Variants in EXOC2 observed in about 807,000 individuals in gnomAD.
EXOC2 encodes SEC5-like 1.
In EXOC2, 70 loss-of-function variants were observed where a neutral mutation model predicts 131.8. The observed-to-expected ratio is 0.53, with a 90% confidence interval of 0.44 to 0.65. The LOEUF (loss-of-function observed/expected upper bound fraction) is 0.65, where lower values mean the gene tolerates loss of function less well. Ranked by LOEUF, EXOC2 falls within the 30% of genes least tolerant of loss-of-function variation. The probability of loss-of-function intolerance (pLI) is 0.00; values close to 1 mark genes in which losing one functional copy is unlikely to be tolerated. For missense variants in EXOC2, 923 were observed against 1,108.6 expected (o/e 0.83, Z 2.38); for synonymous variants, 411 against 398.4 (o/e 1.03, Z -0.38).
chr6:546,120 A>T (rs963886824), intron 22 of EXOC2, among the ~76,000 whole-genome samples: 4 of 151,014 alleles, frequency 2.6e-5, no homozygotes, highest in Non-Finnish European at 5.9e-5. Context: ...TTTAATTTTT[A>T]TTTTTTTTTA....
At chr6:660,347 T>C (rs1763370079) in intron 1 of EXOC2, among the ~76,000 whole-genome samples, 1 of 152,072 alleles carries the variant, frequency 6.6e-6, no homozygotes, top group Non-Finnish European at 1.5e-5. Flanking sequence ...AGCACCAAAC[T>C]AGAGCATTAA....
chr6:604,796 C>G (rs939560712), intron 7 of EXOC2, among the ~76,000 whole-genome samples: 1 of 147,128 alleles, frequency 6.8e-6, no homozygotes. Context: ...GCGCTGGCCC[C>G]GCGGGGACAC....
chr6:500,737 C>G (rs1252724178), intron 23 of EXOC2, among the ~76,000 whole-genome samples: 1 of 152,076 alleles, frequency 6.6e-6, no homozygotes, highest in Non-Finnish European at 1.5e-5. Flanking sequence ...AGAACATCTC[C>G]TCTATAGAAC....
At chr6:576,276 G>C (rs1177146138) in intron 12 of EXOC2, among the ~76,000 whole-genome samples, 1 of 152,132 alleles carries the variant, frequency 6.6e-6, no homozygotes, top group Non-Finnish European at 1.5e-5. Context: ...AGAAAGTTCA[G>C]AAATGCAACA....
At chr6:532,085 A>G (rs1254848328) in intron 23 of EXOC2, among the ~76,000 whole-genome samples, 1 of 152,210 alleles carries the variant, frequency 6.6e-6, no homozygotes, top group Non-Finnish European at 1.5e-5. Flanking sequence ...CAGGTCTTAC[A>G]TAGAAGTGAC....
intron 22 of EXOC2, among the ~76,000 whole-genome samples, chr6:543,032 G>T (rs1355294070): frequency 6.6e-6 from 1 of 152,190 alleles, no homozygotes; most frequent in Admixed American, 6.5e-5. Context: ...GAAACGTTTA[G>T]ACATTAAGCA....
At chr6:575,618 C>G (rs999412663) in intron 12 of EXOC2, among the ~76,000 whole-genome samples, 2 of 152,208 alleles carry the variant, frequency 1.3e-5, no homozygotes, top group African/African-American at 2.4e-5. Context: ...GATGCCGGCG[C>G]AATGCTTCCT....
chr6:610,076 T>C (rs774459235), intron 7 of EXOC2, 22 bp downstream of exon 7: 2 of 1,606,286 alleles, frequency 1.2e-6, no homozygotes, highest in South Asian at 2.2e-5. Flanking sequence ...TAAATAGTTC[T>C]GGGTAGTAGG....
At chr6:617,651 A>G in intron 6 of EXOC2, 60 bp downstream of exon 6, 3 of 1,579,590 alleles carry the variant, frequency 1.9e-6, no homozygotes, top group Non-Finnish European at 2.6e-6. Context: ...AACACCCTGC[A>G]GGCAGTGCCG....
At chr6:622,517 T>A (rs1450558595) in intron 4 of EXOC2, among the ~76,000 whole-genome samples, 1 of 152,098 alleles carries the variant, frequency 6.6e-6, no homozygotes, top group Non-Finnish European at 1.5e-5. Context: ...TAAGAGCTGA[T>A]GATGTGAAGA....
In EXOC2 at chr6:632,960, T is replaced by A. The variant is rs370075088; in HGVS notation, c.276A>T (p.Leu92=). 1.1e-5 allele frequency: 17 copies of A among 1,612,152 alleles called. No homozygotes were observed. Among genetic ancestry groups the A allele is most frequent in the Non-Finnish European group, 1.4e-5 (16 of 1,179,380 alleles). The change falls in exon 3 of 28, where the codon CTA becomes CTT. Residue 92 remains leucine (L), a synonymous_variant. Transcript: ENST00000230449. ...GRGTSTVSFK[L]LKPEKIGILD... The stretch of plus-strand genomic sequence containing the variant: ...CTTTACCTATTTTCTCAGGTTTGAG[T>A]AGCTTGAAAGAGACTGTTGAGGTTC...
At chr6:623,813 C>A (rs528515456) in intron 4 of EXOC2, among the ~76,000 whole-genome samples, 30 of 152,332 alleles carry the variant, frequency 2.0e-4, no homozygotes, top group Non-Finnish European at 3.4e-4. Flanking sequence ...GGTCTCCATA[C>A]TTTCAAGAAG....
At chr6:631,108 G>T (rs1008470378) in intron 3 of EXOC2, among the ~76,000 whole-genome samples, 1 of 152,212 alleles carries the variant, frequency 6.6e-6, no homozygotes, top group African/African-American at 2.4e-5. Flanking sequence ...GGCTTCATGG[G>T]AGAAGGCTGT....
At chr6:511,343 A>G (rs918941477) in intron 23 of EXOC2, among the ~76,000 whole-genome samples, 5 of 152,260 alleles carry the variant, frequency 3.3e-5, no homozygotes, top group Admixed American at 2.0e-4. Context: ...AAAACCTTCC[A>G]AAAAGAAAAC....
At chr6:573,977 A>C (rs1581469792) in intron 12 of EXOC2, among the ~76,000 whole-genome samples, 1 of 152,338 alleles carries the variant, frequency 6.6e-6, no homozygotes, top group South Asian at 2.1e-4. Context: ...CGAAAGGCCA[A>C]ACACACTCTT....
At chr6:491,021 A>G (rs1763398188) in intron 26 of EXOC2, 104 bp downstream of exon 26, 3 of 1,171,612 alleles carry the variant, frequency 2.6e-6, no homozygotes, top group Non-Finnish European at 3.8e-6. Context: ...TCACAAATTC[A>G]TGAGCATGTG....
chr6:615,178 T>TGG (rs111503273), intron 6 of EXOC2, among the ~76,000 whole-genome samples: 51 of 105,246 alleles, frequency 4.8e-4, no homozygotes, highest in African/African-American at 3.1e-3. Context: ...TATATGTGGG[T>TGG]GTGGGTGTGT....
intron 12 of EXOC2, among the ~76,000 whole-genome samples, chr6:573,820 T>G (rs182158020): frequency 6.6e-5 from 10 of 152,250 alleles, no homozygotes; most frequent in Non-Finnish European, 1.5e-4. Flanking sequence ...GCCCCTCCAC[T>G]CCCAAGTGCC....
At chr6:537,201 C>CTGGAAAACTACTCA (rs1561829992) in intron 22 of EXOC2, among the ~76,000 whole-genome samples, 3 of 151,108 alleles carry the variant, frequency 2.0e-5, no homozygotes, top group African/African-American at 7.3e-5. Flanking sequence ...AGCGTACACT[C>CTGGAAAACTACTCA]GAGATGACGA....
Sources: gnomAD v4.1 joint callset for allele counts (sites outside exome capture counted in the v4.1 genomes callset) on GRCh38, gnomAD v4.1.1 for gene constraint, MANE v1.5 for transcripts, NCBI Gene and HGNC (gene_info 2026-07-23, HGNC 2026-07-21) for gene names.